Variants in EPHA5 observed in about 807,000 individuals in gnomAD.
EPHA5 encodes ephrin type-A receptor 5.
EPHA5 carries 60 observed loss-of-function variants against 105.0 expected under a neutral mutation model. The observed-to-expected ratio is 0.57, with a 90% CI of 0.46 to 0.71. EPHA5 has a LOEUF of 0.71. Ranked by LOEUF, EPHA5 falls within the 30% of genes least tolerant of loss-of-function variation. The pLI, the probability that EPHA5 is intolerant of heterozygous loss-of-function variation, is 0.00. For synonymous variants in EPHA5, 513 were observed against 449.1 expected, an observed-to-expected ratio of 1.14 and a Z score of -1.80; for missense variants, 1,218 against 1,274.7, an observed-to-expected ratio of 0.96 and a Z score of 0.68.
chr4:65,540,857 C>A lies in EPHA5; in HGVS notation c.911-45314G>T, dbSNP rs577982150. The stretch of plus-strand genomic sequence containing the variant: ...CTTTACCTCAGAATCACATAGCAGT[C>A]AATTTTATAAAAAAAAAAAAACAAA... On this transcript the variant is annotated intron_variant, in intron 3 of 16. Coordinates refer to ENST00000613740, the MANE Select transcript of EPHA5 (RefSeq NM_001281766.3). Among the ~76,000 whole-genome samples the A allele has an allele frequency of 3.8e-4, 40 of 104,590 alleles. 1 individual carries two copies. The South Asian group carries it at 0.012, about 32-fold the overall frequency. The allele number at this position is 104,590 out of a possible 152,430, so 68.6% of individuals were successfully genotyped here.
chr4:65,461,598 T>A (rs1423422675), intron 5 of EPHA5, among the ~76,000 whole-genome samples: 1 of 151,996 alleles, frequency 6.6e-6, no homozygotes, highest in Admixed American at 6.6e-5. Flanking sequence ...AAAGAGCAGA[T>A]TAATGGAGGA....
chr4:65,524,747 TC>T (rs1735071948), intron 3 of EPHA5, among the ~76,000 whole-genome samples: 1 of 151,788 alleles, frequency 6.6e-6, no homozygotes, highest in Non-Finnish European at 1.5e-5. Flanking sequence ...CCTGGACATT[TC>T]CCATATGAAT....
chr4:65,624,238 T>C (rs574542522), intron 2 of EPHA5, among the ~76,000 whole-genome samples: 24 of 152,268 alleles, frequency 1.6e-4, no homozygotes, highest in African/African-American at 5.8e-4. Context: ...TTAGAGAGGA[T>C]AAGAAAATCA....
intron 3 of EPHA5, among the ~76,000 whole-genome samples, chr4:65,534,818 T>C (rs1308287256): frequency 6.6e-6 from 1 of 152,224 alleles, no homozygotes; most frequent in Non-Finnish European, 1.5e-5. Context: ...CAACAAAACA[T>C]GCTTAAATGG....
chr4:65,396,646 G>A (rs1274412640), intron 8 of EPHA5, among the ~76,000 whole-genome samples: 1 of 152,154 alleles, frequency 6.6e-6, no homozygotes. Context: ...CTAGGACTAA[G>A]CCTTTCAATT....
intron 13 of EPHA5, among the ~76,000 whole-genome samples, chr4:65,348,906 C>G: frequency 6.9e-6 from 1 of 145,650 alleles, no homozygotes; most frequent in East Asian, 2.0e-4. Context: ...ACCCCCACCT[C>G]CCAGGTTCAA....
chr4:65,651,592 A>T (rs1488039555), intron 1 of EPHA5, among the ~76,000 whole-genome samples: 2 of 152,190 alleles, frequency 1.3e-5, no homozygotes, highest in Non-Finnish European at 2.9e-5. Context: ...TTAGCTTAAT[A>T]TTATGCTTAA....
At chr4:65,330,928 G>T in intron 16 of EPHA5, 1 of 1,041,048 alleles carries the variant, frequency 9.6e-7, no homozygotes, top group Non-Finnish European at 1.2e-6. Flanking sequence ...AGAATGCTGA[G>T]AATGTGACAT....
At chr4:65,510,660 T>TAGTATGTTTTAAAACATAGTAACA (rs1382892915) in intron 3 of EPHA5, among the ~76,000 whole-genome samples, 1 of 152,144 alleles carries the variant, frequency 6.6e-6, no homozygotes, top group Admixed American at 6.6e-5. Context: ...TTTTAAAACA[T>TAGTATGTTTTAAAACATAGTAACA]TAGGATGGTT....
intron 2 of EPHA5, among the ~76,000 whole-genome samples, chr4:65,623,583 T>C (rs1057168655): frequency 7.9e-5 from 12 of 152,282 alleles, no homozygotes; most frequent in African/African-American, 2.9e-4. Context: ...CTCTTACAGC[T>C]TTGCAAGATG....
chr4:65,476,144 G>A (rs1729791456), intron 5 of EPHA5, among the ~76,000 whole-genome samples: 1 of 148,518 alleles, frequency 6.7e-6, no homozygotes, highest in Admixed American at 6.6e-5. Context: ...GTGTGTGTGT[G>A]TGTGTGTGTG....
chr4:65,594,072 G>A (rs1280148821), intron 3 of EPHA5, among the ~76,000 whole-genome samples: 2 of 152,028 alleles, frequency 1.3e-5, no homozygotes, highest in African/African-American at 4.8e-5. Context: ...TCTTTTGCTG[G>A]TATCTGAATA....
At chr4:65,398,271 C>A (rs1721450321) in intron 8 of EPHA5, among the ~76,000 whole-genome samples, 1 of 152,190 alleles carries the variant, frequency 6.6e-6, no homozygotes, top group African/African-American at 2.4e-5. Flanking sequence ...CAGATGTGTG[C>A]ACACTTGGGG....
intron 3 of EPHA5, among the ~76,000 whole-genome samples, chr4:65,528,004 T>G: frequency 6.6e-6 from 1 of 152,146 alleles, no homozygotes; most frequent in East Asian, 1.9e-4. Flanking sequence ...AATAAATGAA[T>G]ATTTAAGAGT....
chr4:65,570,230 CT>C (rs1453770378), intron 3 of EPHA5, among the ~76,000 whole-genome samples: 1 of 151,818 alleles, frequency 6.6e-6, no homozygotes, highest in African/African-American at 2.4e-5. Context: ...ATCAGGGTCA[CT>C]GCCTGAGGTA....
intron 3 of EPHA5, among the ~76,000 whole-genome samples, chr4:65,511,777 A>G (rs1313780734): frequency 6.6e-6 from 1 of 152,176 alleles, no homozygotes; most frequent in Admixed American, 6.6e-5. Flanking sequence ...TCAGACTAAT[A>G]CTTTGGTTTT....
intron 16 of EPHA5, among the ~76,000 whole-genome samples, chr4:65,329,411 G>A (rs1331665207): frequency 6.6e-6 from 1 of 151,300 alleles, no homozygotes; most frequent in Non-Finnish European, 1.5e-5. Flanking sequence ...AAACCTTTGT[G>A]ATGGAGATTT....
chr4:65,619,358 GTA>G (rs1745515275), intron 2 of EPHA5, among the ~76,000 whole-genome samples: 1 of 152,072 alleles, frequency 6.6e-6, no homozygotes, highest in Non-Finnish European at 1.5e-5. Context: ...TATTAGATAT[GTA>G]TATATAGGCA....
intron 2 of EPHA5, among the ~76,000 whole-genome samples, chr4:65,613,414 G>T (rs1202692617): frequency 1.3e-5 from 2 of 151,986 alleles, no homozygotes; most frequent in Non-Finnish European, 2.9e-5. Context: ...GTGAAAAATA[G>T]TGTTGATATT....
Sources: allele counts gnomAD v4.1 joint callset (sites outside exome capture counted in the v4.1 genomes callset), GRCh38; gene constraint gnomAD v4.1.1; transcripts MANE v1.5; gene names NCBI Gene and HGNC (gene_info 2026-07-23, HGNC 2026-07-21).